The following GALNT16 variants were observed in gnomAD, a reference collection of about 807,000 sequenced individuals.
The protein encoded by GALNT16 is polypeptide N-acetylgalactosaminyltransferase 16.
A neutral mutation model predicts 76.1 loss-of-function variants in GALNT16; 40 were observed. The ratio of observed to expected loss-of-function variants is 0.53; its 90% CI spans 0.41 to 0.68. GALNT16 has a LOEUF of 0.68. Ranked by LOEUF, GALNT16 falls within the 30% of genes least tolerant of loss-of-function variation. The pLI, the probability that GALNT16 is intolerant of heterozygous loss-of-function variation, is 0.00. For missense variants in GALNT16, 621 were observed against 731.9 expected, an observed-to-expected ratio of 0.85 and a Z score of 1.75; for synonymous variants, 276 against 285.2, an observed-to-expected ratio of 0.97 and a Z score of 0.32.
At chr14:69,301,213 G>A (rs1594834379) in intron 1 of GALNT16, among the ~76,000 whole-genome samples, 2 of 152,298 alleles carry the variant, frequency 1.3e-5, no homozygotes, top group Admixed American at 1.3e-4. Context: ...AGCTGCGTGA[G>A]AGTTTATGTG....
the GALNT16 span, among the ~76,000 whole-genome samples, chr14:69,382,399 A>G: frequency 1.5e-3 from 235 of 152,370 alleles, 1 homozygote; most frequent in East Asian, 0.011. Flanking sequence ...ACACTGGAAA[A>G]TAACTTAAAA....
chr14:69,317,050 T>A (rs1482855849), intron 1 of GALNT16, among the ~76,000 whole-genome samples: 2 of 152,072 alleles, frequency 1.3e-5, no homozygotes, highest in African/African-American at 2.4e-5. Flanking sequence ...CTGCTTGACA[T>A]AAGAATTCCA....
chr14:69,359,577 G>C (rs1217699271), downstream of GALNT16, among the ~76,000 whole-genome samples: 3 of 152,146 alleles, frequency 2.0e-5, no homozygotes, highest in Non-Finnish European at 2.9e-5. Context: ...CTCCAATGAG[G>C]TAGGTTCTCA....
intron 9 of GALNT16, 33 bp from the exon 10 acceptor site, chr14:69,338,618 C>A: frequency 1.9e-6 from 3 of 1,605,202 alleles, no homozygotes; most frequent in Non-Finnish European, 2.6e-6. Context: ...CAAGGAACCC[C>A]TTCCTCCTCC....
intron 11 of GALNT16, among the ~76,000 whole-genome samples, chr14:69,341,274 C>T (rs534165425): frequency 9.2e-5 from 14 of 152,198 alleles, no homozygotes; most frequent in Non-Finnish European, 1.8e-4. Context: ...TTTTATTTGC[C>T]AACACATCTA....
chr14:69,309,899 A>G (rs1423709998), intron 1 of GALNT16, among the ~76,000 whole-genome samples: 2 of 152,038 alleles, frequency 1.3e-5, no homozygotes, highest in Non-Finnish European at 2.9e-5. Context: ...TTTTCTTTAT[A>G]CTTTTAAGTT....
At chr14:69,335,362 C>G (rs1373376736) in intron 9 of GALNT16, among the ~76,000 whole-genome samples, 2 of 152,084 alleles carry the variant, frequency 1.3e-5, no homozygotes, top group Non-Finnish European at 2.9e-5. Context: ...GTGCAGTGAC[C>G]CCTCCATTCT....
intron 10 of GALNT16, 114 bp from the exon 11 acceptor site, chr14:69,339,413 C>T: frequency 1.3e-6 from 1 of 745,164 alleles, no homozygotes; most frequent in Non-Finnish European, 2.5e-6. Flanking sequence ...CCAAGTATCA[C>T]CTTGCTCCTG....
In GALNT16 at chr14:69,341,738, C is replaced by T. The variant is rs1372544167; in HGVS notation, c.1245C>T (p.Tyr415=). 5.0e-6 allele frequency: 8 copies of T among 1,612,764 alleles called. No homozygotes were observed. Among genetic ancestry groups the T allele is most frequent in the Admixed American group, 1.7e-5 (1 of 59,980 alleles). ...TGAACTGCAAGTCCTTCCGCTGGTA[C>T]CTGGAGAACGTCTACCCAGAGCTCA... ...KKMNCKSFRW[Y]LENVYPELTV... Residue 415 remains tyrosine (Y), a synonymous_variant, in exon 12 of 15, where the codon TAC becomes TAT. Coordinates refer to ENST00000448469, the MANE Select transcript of GALNT16 (RefSeq NM_001168368.2).
intron 1 of GALNT16, among the ~76,000 whole-genome samples, chr14:69,314,543 C>T (rs1232245605): frequency 6.6e-6 from 1 of 152,250 alleles, no homozygotes; most frequent in Non-Finnish European, 1.5e-5. Context: ...ACCTGCAGCA[C>T]CTTGTCTGGT....
intron 1 of GALNT16, among the ~76,000 whole-genome samples, chr14:69,312,059 GTCTA>G (rs3045602): frequency 0.16 from 15,055 of 93,970 alleles, 938 homozygotes; most frequent in Admixed American, 0.2. Flanking sequence ...AAAAAAATCT[GTCTA>G]TCTATCTATC....
intron 1 of GALNT16, among the ~76,000 whole-genome samples, chr14:69,303,426 CAT>C (rs1225064730): frequency 6.6e-6 from 1 of 152,090 alleles, no homozygotes; most frequent in Non-Finnish European, 1.5e-5. Context: ...CAGCTCCAAT[CAT>C]GTGTTGCAGA....
At chr14:69,310,781 G>T (rs1303030066) in intron 1 of GALNT16, among the ~76,000 whole-genome samples, 1 of 152,112 alleles carries the variant, frequency 6.6e-6, no homozygotes, top group Non-Finnish European at 1.5e-5. Flanking sequence ...TGGGTGCGGT[G>T]GCTCACACCT....
chr14:69,348,077 G>A, intron 14 of GALNT16, 75 bp downstream of exon 14: 1 of 1,494,182 alleles, frequency 6.7e-7, no homozygotes, highest in South Asian at 1.1e-5. Context: ...ACCTTGGCAG[G>A]AGAGCCCCTG....
intron 1 of GALNT16, among the ~76,000 whole-genome samples, chr14:69,293,893 A>C (rs972627845): frequency 6.6e-6 from 1 of 151,154 alleles, no homozygotes. Context: ...GCCAGAACCC[A>C]TACTTTTTTT....
At chr14:69,318,998 G>C (rs2045140919) in intron 1 of GALNT16, among the ~76,000 whole-genome samples, 18 of 152,168 alleles carry the variant, frequency 1.2e-4, no homozygotes, top group Admixed American at 1.2e-3. Context: ...TCCTGAAATG[G>C]ATTTTGAGTT....
chr14:69,320,483 G>A (rs980937074), intron 1 of GALNT16, among the ~76,000 whole-genome samples: 19 of 146,550 alleles, frequency 1.3e-4, no homozygotes, highest in Admixed American at 7.1e-4. Flanking sequence ...ATAAGACCCT[G>A]TGTCAAAAAA....
chr14:69,263,391 C>T (rs1375362086), intron 1 of GALNT16, among the ~76,000 whole-genome samples: 1 of 152,218 alleles, frequency 6.6e-6, no homozygotes, highest in Non-Finnish European at 1.5e-5. Flanking sequence ...GATTTACTTT[C>T]TCCCTGCAAT....
chr14:69,287,680 C>T (rs1438737502), intron 1 of GALNT16, among the ~76,000 whole-genome samples: 4 of 152,088 alleles, frequency 2.6e-5, no homozygotes, highest in African/African-American at 4.8e-5. Flanking sequence ...GTGACTTGTC[C>T]AAAGGCAAAC....
Sources: gnomAD v4.1 joint callset for allele counts (sites outside exome capture counted in the v4.1 genomes callset) on GRCh38, gnomAD v4.1.1 for gene constraint, MANE v1.5 for transcripts, NCBI Gene and HGNC (gene_info 2026-07-23, HGNC 2026-07-21) for gene names.